Variants in KNL1 observed in about 807,000 individuals in gnomAD.
KNL1 encodes outer kinetochore KNL1 complex subunit KNL1.
In KNL1, 66 loss-of-function variants were observed where a neutral mutation model predicts 201.3. The ratio of observed to expected loss-of-function variants is 0.33; its 90% CI spans 0.27 to 0.40. KNL1 has a LOEUF of 0.40. Among genes scored for constraint, KNL1 ranks in the 10% least tolerant of loss-of-function variants. KNL1 has a pLI of 1.00. For synonymous variants in KNL1, 895 were observed against 899.2 expected (o/e 1.00, Z 0.08); for missense variants, 2,815 against 2,690.5 (o/e 1.05, Z -1.02).
chr15:40,623,766 G>A lies in KNL1; in HGVS notation c.3502G>A (p.Asp1168Asn), dbSNP rs1212794609. Residue 1168 changes from aspartate (D) to asparagine (N), a missense_variant, in exon 10 of 26, where the codon GAT becomes AAT. Transcript: ENST00000399668. ...TDNYSDLEVT[D>N]SHTVFIDCQA... ...TAATTACAGTGATCTGGAAGTCACC[G>A]ATTCCCATACTGTTTTCATTGACTG... 6 of 1,613,796 alleles carry A rather than the reference G, an allele frequency of 3.7e-6. No individual in the cohort carries two copies. The highest frequency in any genetic ancestry group is 5.1e-6 in the Non-Finnish European group (6 of 1,179,908).
rs774821311 is a variant in KNL1 at position 40,622,476 on chromosome 15, A to G, written c.2212A>G (p.Lys738Glu). ...TTCTAAACTGGCTGAGCCACTGAGG[A>G]AAAGTTTAAGCAATCCCACACCTGA... is the stretch of plus-strand genomic sequence containing the variant. ...QNSKLAEPLRKSLSNPTPDYC... is the reference protein window; with the variant it reads ...QNSKLAEPLRESLSNPTPDYC... Residue 738 changes from lysine to glutamate, a missense_variant, in exon 10 of 26, where the codon AAA (lysine) becomes GAA (glutamate). Physicochemically the swap from Lys to Glu is moderately conservative, Grantham distance 56 (BLOSUM62 1). Transcript: ENST00000399668. The G allele has an allele frequency of 6.8e-6, 11 of 1,614,040 alleles. No homozygotes were observed. Among genetic ancestry groups the G allele is most frequent in the Non-Finnish European group, 9.3e-6 (11 of 1,179,926 alleles).
At position 40,623,528 on chromosome 15, in the gene KNL1, T is replaced by G; in HGVS notation, c.3264T>G (p.Ile1088Met). Reference sequence around the variant, plus strand: ...AGAATCATAAAAATGATATGGATATTACCCAGAGTTGTATGGTGGAAATAG... The same window carrying G: ...AGAATCATAAAAATGATATGGATATGACCCAGAGTTGTATGGTGGAAATAG... ...FSENHKNDMD[I>M]TQSCMVEIDN... Residue 1088 changes from isoleucine to methionine, a missense_variant, in exon 10 of 26, where the codon ATT (isoleucine) becomes ATG (methionine). Around this residue, in one of 3 missense-constraint regions of KNL1, gnomAD observed 2,464 missense variants for 2,291.7 expected, o/e 1.08. Coordinates refer to ENST00000399668, the MANE Select transcript of KNL1 (RefSeq NM_144508.5). 6.2e-7 allele frequency: 1 copy of G among 1,613,582 alleles called. No homozygotes were observed. Among genetic ancestry groups the G allele is most frequent in the Non-Finnish European group, 8.5e-7 (1 of 1,179,848 alleles).
At chr15:40,618,582 T>G (rs1020755721) in intron 8 of KNL1, among the ~76,000 whole-genome samples, 1 of 152,082 alleles carries the variant, frequency 6.6e-6, no homozygotes, top group Non-Finnish European at 1.5e-5. Context: ...CACCACATTA[T>G]AAAAATATTT....
intron 5 of KNL1, among the ~76,000 whole-genome samples, chr15:40,609,620 A>G (rs1004771211): frequency 3.3e-5 from 5 of 152,154 alleles, no homozygotes; most frequent in African/African-American, 4.8e-5. Context: ...AATGTTTATA[A>G]TCACTGTTCT....
At chr15:40,659,653 C>T (rs574353786) in intron 25 of KNL1, among the ~76,000 whole-genome samples, 192 bp downstream of exon 25, 17 of 151,800 alleles carry the variant, frequency 1.1e-4, no homozygotes, top group Admixed American at 6.6e-4. Flanking sequence ...CCACCGCACC[C>T]GGCTAATTTT....
At chr15:40,641,780 T>C (rs185564792) in intron 14 of KNL1, among the ~76,000 whole-genome samples, 112 of 152,352 alleles carry the variant, frequency 7.4e-4, no homozygotes, top group African/African-American at 2.7e-3. Flanking sequence ...AATCTATATA[T>C]AGTGCCTGAA....
At chr15:40,651,238 G>GA (rs1378522437) in intron 19 of KNL1, among the ~76,000 whole-genome samples, 5 of 146,694 alleles carry the variant, frequency 3.4e-5, no homozygotes, top group African/African-American at 1.3e-4. Flanking sequence ...ATCCTAATTT[G>GA]AAAAACAATG....
At chr15:40,635,862 GT>G (rs1893042172) in intron 13 of KNL1, among the ~76,000 whole-genome samples, 2 of 152,004 alleles carry the variant, frequency 1.3e-5, no homozygotes, top group African/African-American at 2.4e-5. Context: ...GTGAGGATCT[GT>G]TTTTGTTTTT....
At chr15:40,608,931 T>G in intron 5 of KNL1, 23 bp downstream of exon 5, 1 of 1,520,932 alleles carries the variant, frequency 6.6e-7, no homozygotes, top group South Asian at 1.1e-5. Context: ...CAGAAATAAC[T>G]AAAATATTAT....
chr15:40,648,386 C>T (rs983117153), intron 17 of KNL1, among the ~76,000 whole-genome samples: 3 of 152,102 alleles, frequency 2.0e-5, no homozygotes, highest in African/African-American at 7.2e-5. Flanking sequence ...GAGGCAAGAT[C>T]ACACCACTGC....
intron 1 of KNL1, among the ~76,000 whole-genome samples, chr15:40,595,610 G>T (rs1421705771): frequency 6.6e-6 from 1 of 152,184 alleles, no homozygotes; most frequent in Non-Finnish European, 1.5e-5. Flanking sequence ...GACTGTAAAA[G>T]ATACTGACTC....
chr15:40,633,068 C>T (rs1892958352), intron 13 of KNL1, among the ~76,000 whole-genome samples: 2 of 152,062 alleles, frequency 1.3e-5, no homozygotes, highest in Non-Finnish European at 2.9e-5. Context: ...GTGGCTCACA[C>T]CTATAATTCC....
At position 40,641,098 on chromosome 15, in the gene KNL1, T is replaced by A. The variant is rs1893216432; in HGVS notation, c.5798+71T>A. ...TCAGTTAATAGTTTGTGTGGTAAGGTTTTGATTAGAATAATGCTGGCATGG... is the reference window on the plus strand; with the variant it reads ...TCAGTTAATAGTTTGTGTGGTAAGGATTTGATTAGAATAATGCTGGCATGG... On this transcript the variant is annotated intron_variant, in intron 14 of 25. Transcript: ENST00000399668. 3 of 1,044,066 alleles carry A rather than the reference T, an allele frequency of 2.9e-6. No individual in the cohort carries two copies. In the East Asian group the frequency reaches 7.3e-5, roughly 26 times the overall value. The allele number at this position is 1,044,066 out of a possible 1,614,324, so 64.7% of individuals were successfully genotyped here.
At position 40,623,954 on chromosome 15, in the gene KNL1, G is replaced by C. The variant is rs1372349194; in HGVS notation, c.3690G>C (p.Lys1230Asn). Residue 1230 changes from lysine (K) to asparagine (N), a missense_variant, in exon 10 of 26, where the codon AAG becomes AAC. Around this residue, in one of 3 missense-constraint regions of KNL1, gnomAD observed 2,464 missense variants for 2,291.7 expected, o/e 1.08. Transcript: ENST00000399668. ...GNKIVLHTEQ[K>N]QQLFAATNRT... ...AAATAGTTCTTCACACCGAGCAAAA[G>C]CAACAACTCTTTGCTGCTACTAATA... The C allele has an allele frequency of 1.9e-6, 3 of 1,613,542 alleles. No homozygotes were observed. The highest frequency in any genetic ancestry group is 1.3e-5 in the African/African-American group (1 of 75,040).
intron 7 of KNL1, among the ~76,000 whole-genome samples, chr15:40,614,626 G>A (rs1892282629): frequency 6.6e-6 from 1 of 152,140 alleles, no homozygotes; most frequent in Non-Finnish European, 1.5e-5. Flanking sequence ...ATGTCCAAGT[G>A]CATGTTTAGC....
intron 22 of KNL1, 116 bp from the exon 23 acceptor site, chr15:40,656,926 A>C (rs991120278): frequency 6.0e-6 from 3 of 496,380 alleles, no homozygotes; most frequent in East Asian, 3.2e-5. Context: ...GAGAATACTT[A>C]TGTACCTGGT....
chr15:40,655,689 C>T (rs1482127464), intron 22 of KNL1, among the ~76,000 whole-genome samples: 4 of 151,248 alleles, frequency 2.6e-5, no homozygotes, highest in South Asian at 2.1e-4. Context: ...CCTAGGCGGA[C>T]GGATTACAAG....
In KNL1 at chr15:40,652,102, G is replaced by C; in HGVS notation, c.6412G>C (p.Val2138Leu). 1 of 1,606,110 alleles carries C rather than the reference G, an allele frequency of 6.2e-7. No homozygotes were observed. Among genetic ancestry groups the C allele is most frequent in the Non-Finnish European group, 8.5e-7 (1 of 1,172,968 alleles). The change falls in exon 21 of 26, where the codon GTT becomes CTT. Residue 2138 changes from valine (V) to leucine (L), a missense_variant. This residue lies in a region of KNL1 where 334 missense variants were observed against 362.6 expected (regional missense o/e 0.92). Transcript: ENST00000399668. The stretch of plus-strand genomic sequence containing the variant: ...ACTCACCATCACCTTTGAAGAGTCA[G>C]TTGGTAAGGAGCCAAAGTGAGATAA... Reference protein sequence around the residue: ...IQLTITFEESVVGFPFLDKRY... With the variant: ...IQLTITFEESLVGFPFLDKRY...
intron 9 of KNL1, 23 bp downstream of exon 9, chr15:40,619,034 T>G (rs778567321): frequency 6.9e-7 from 1 of 1,451,762 alleles, no homozygotes. Flanking sequence ...GCAAATACCT[T>G]CATATTGTAA....
Sources: allele counts gnomAD v4.1 joint callset (sites outside exome capture counted in the v4.1 genomes callset), GRCh38; gene constraint gnomAD v4.1.1; regional missense constraint gnomAD v4.1.1; transcripts MANE v1.5; gene names NCBI Gene and HGNC (gene_info 2026-07-23, HGNC 2026-07-21).